Variants in PLEKHA8 observed in about 807,000 individuals in gnomAD.
PLEKHA8 encodes pleckstrin homology domain containing A8.
Under a neutral mutation model 68.2 loss-of-function variants are expected in PLEKHA8, and 36 were observed. The observed-to-expected ratio is 0.53, with a 90% CI of 0.40 to 0.70. PLEKHA8 has a LOEUF of 0.70. Ranked by LOEUF, PLEKHA8 falls within the 30% of genes least tolerant of loss-of-function variation. PLEKHA8 has a pLI of 0.00. For missense variants in PLEKHA8, 505 were observed against 615.4 expected (o/e 0.82, Z 1.90); for synonymous variants, 211 against 216.1 (o/e 0.98, Z 0.20).
intron 13 of PLEKHA8, 52 bp downstream of exon 13, chr7:30,074,184 G>C (rs979572030): frequency 2.7e-6 from 4 of 1,499,890 alleles, no homozygotes; most frequent in Non-Finnish European, 9.2e-7. Flanking sequence ...TATGCCAGTG[G>C]CTAGGGCTAG....
chr7:30,086,330 C>T (rs912890394), downstream of PLEKHA8, among the ~76,000 whole-genome samples: 2 of 152,130 alleles, frequency 1.3e-5, no homozygotes, highest in Admixed American at 6.6e-5. Flanking sequence ...ACATCAATAC[C>T]GCTGGAGCAG....
intron 5 of PLEKHA8, 37 bp downstream of exon 5, chr7:30,049,419 C>G: frequency 6.2e-7 from 1 of 1,600,758 alleles, no homozygotes; most frequent in South Asian, 1.1e-5. Context: ...AACAAGGCAT[C>G]AAGAAAAGTT....
At chr7:30,099,388 A>G (rs957028387) in intron 13 of PLEKHA8, among the ~76,000 whole-genome samples, 11 of 152,230 alleles carry the variant, frequency 7.2e-5, no homozygotes, top group Non-Finnish European at 1.6e-4. Context: ...AAACTATGCT[A>G]TAAAACAGAA....
Position 30,116,177 on chromosome 7 carries a change from T to C in PLEKHA8, c.1363-13089T>C, listed in dbSNP as rs1161700939. ...ATACACGTATACATGTGTATACATA[T>C]GTATACATACGCATACATACACGTA... On this transcript the variant is annotated intron_variant, in intron 13 of 13. Coordinates refer to the PLEKHA8 transcript ENST00000396257. Among the ~76,000 whole-genome samples, 10 of 151,298 alleles carry C rather than the reference T, an allele frequency of 6.6e-5. No homozygotes were observed. In the East Asian group the frequency reaches 7.8e-4, roughly 12 times the overall value.
At chr7:30,077,342 C>T (rs773904909) in intron 13 of PLEKHA8, among the ~76,000 whole-genome samples, 8 of 152,148 alleles carry the variant, frequency 5.3e-5, no homozygotes, top group Non-Finnish European at 1.2e-4. Flanking sequence ...TCTGGAGACT[C>T]CTATCCTCCA....
chr7:30,033,789 G>A (rs760284297), intron 1 of PLEKHA8, among the ~76,000 whole-genome samples: 3 of 151,998 alleles, frequency 2.0e-5, no homozygotes, highest in East Asian at 1.9e-4. Flanking sequence ...AGAAGTTTCC[G>A]TCTTCACATT....
Position 30,079,666 on chromosome 7 carries a change from C to A in PLEKHA8, c.*879C>A. On this transcript the variant is annotated 3_prime_UTR_variant, in exon 14 of 14. Coordinates refer to ENST00000449726, the MANE Select transcript of PLEKHA8 (RefSeq NM_001197026.2). Reference sequence around the variant, plus strand: ...TTAAGCAGAGGAGCCAGATAATTTCCAAGTGTGACCTGGACTGCCTCTGCA... The same window carrying A: ...TTAAGCAGAGGAGCCAGATAATTTCAAAGTGTGACCTGGACTGCCTCTGCA... 1 of 487,158 alleles carries A rather than the reference C, an allele frequency of 2.1e-6. No homozygotes were observed. Among genetic ancestry groups the A allele is most frequent in the Non-Finnish European group, 2.7e-6 (1 of 374,666 alleles). 30.2% of individuals were successfully genotyped at this position (487,158 alleles called of 1,614,324 possible).
intron 12 of PLEKHA8, among the ~76,000 whole-genome samples, chr7:30,064,990 A>G (rs1046979445): frequency 1.3e-5 from 2 of 152,154 alleles, no homozygotes; most frequent in African/African-American, 4.8e-5. Flanking sequence ...TAGACATAGA[A>G]AGGAAACAGG....
intron 1 of PLEKHA8, among the ~76,000 whole-genome samples, chr7:30,032,484 A>G (rs1245225180): frequency 2.6e-5 from 4 of 152,196 alleles, no homozygotes; most frequent in Non-Finnish European, 5.9e-5. Context: ...AGTTGCCTTT[A>G]TTATGCCCAT....
chr7:30,115,479 TAC>T (rs1229958354), intron 13 of PLEKHA8, among the ~76,000 whole-genome samples: 1 of 152,002 alleles, frequency 6.6e-6, no homozygotes, highest in Non-Finnish European at 1.5e-5. Flanking sequence ...CACACATGTA[TAC>T]GTGTATGTAG....
intron 13 of PLEKHA8, among the ~76,000 whole-genome samples, chr7:30,108,067 C>CAAAAAAAAAAAAAAAAAAAAA (rs796801365): frequency 4.7e-4 from 25 of 52,826 alleles, no homozygotes; most frequent in African/African-American, 1.5e-3. Context: ...AACTCCATCT[C>CAAAAAAAAAAAAAAAAAAAAA]AAAAAAAAAA....
chr7:30,127,251 A>G (rs1583494970), intron 13 of PLEKHA8, among the ~76,000 whole-genome samples: 1 of 152,190 alleles, frequency 6.6e-6, no homozygotes, highest in South Asian at 2.1e-4. Context: ...CCTCCTAGGA[A>G]AACTGGCTGG....
intron 9 of PLEKHA8, among the ~76,000 whole-genome samples, chr7:30,057,492 C>T (rs1281165866): frequency 6.7e-6 from 1 of 150,274 alleles, no homozygotes; most frequent in Admixed American, 6.6e-5. Flanking sequence ...GAGTCTTGCT[C>T]TGTCACCTAA....
rs1794978422 is a variant in PLEKHA8, at chr7:30,082,353, C to T, written c.*3566C>T. 2.0e-6 allele frequency: 2 copies of T among 985,302 alleles called. No individual in the cohort carries two copies. The highest frequency in any genetic ancestry group is 3.5e-5 in the African/African-American group (2 of 57,224). The allele number at this position is 985,302 out of a possible 1,614,324, so 61.0% of individuals were successfully genotyped here. On this transcript the variant is annotated 3_prime_UTR_variant, in exon 14 of 14. Coordinates refer to ENST00000449726, the MANE Select transcript of PLEKHA8 (RefSeq NM_001197026.2). ...ACTTATGTTTGTTCTGCCCCATTTC[C>T]CAGGAGCAGCTTCTAGCACATATGT...
At chr7:30,099,406 C>T (rs910783544) in intron 13 of PLEKHA8, among the ~76,000 whole-genome samples, 11 of 152,192 alleles carry the variant, frequency 7.2e-5, no homozygotes, top group African/African-American at 2.7e-4. Context: ...GAATGTAATG[C>T]AGGTTCTCTA....
chr7:30,073,089 T>C (rs1794367933), intron 12 of PLEKHA8, among the ~76,000 whole-genome samples: 1 of 152,244 alleles, frequency 6.6e-6, no homozygotes, highest in African/African-American at 2.4e-5. Context: ...AATTATGATA[T>C]GCCAGTTTCA....
intron 13 of PLEKHA8, among the ~76,000 whole-genome samples, chr7:30,097,328 T>G (rs557620104): frequency 6.6e-6 from 1 of 152,216 alleles, no homozygotes; most frequent in South Asian, 2.1e-4. Context: ...TCTTGAGGAG[T>G]CTCTTTGTGG....
intron 9 of PLEKHA8, among the ~76,000 whole-genome samples, chr7:30,060,069 G>A (rs535257340): frequency 6.6e-6 from 1 of 151,922 alleles, no homozygotes; most frequent in African/African-American, 2.4e-5. Context: ...CCAGGGAGTC[G>A]GAGGTTGCAG....
At position 30,080,635 on chromosome 7, in the gene PLEKHA8, A is replaced by G. The variant is rs150360372; in HGVS notation, c.*1848A>G. 85 of 985,362 alleles carry G rather than the reference A, an allele frequency of 8.6e-5. No individual in the cohort carries two copies. In the African/African-American group the frequency reaches 1.5e-3, roughly 17 times the overall value. The allele number at this position is 985,362 out of a possible 1,614,324, so 61.0% of individuals were successfully genotyped here. On this transcript the variant is annotated 3_prime_UTR_variant, in exon 14 of 14. Coordinates refer to ENST00000449726, the MANE Select transcript of PLEKHA8 (RefSeq NM_001197026.2). ...TCTGGAAAATACTTAAACTTGAAAA[A>G]TCAACATCACATGTTTTAAAGCTAG...
Sources: gnomAD v4.1 joint callset for allele counts (sites outside exome capture counted in the v4.1 genomes callset) on GRCh38, gnomAD v4.1.1 for gene constraint, MANE v1.5 for transcripts, NCBI Gene and HGNC (gene_info 2026-07-23, HGNC 2026-07-21) for gene names.